MID1: variants seen among roughly 807,000 people sequenced by gnomAD.
MID1 encodes the protein midline 1.
Under a neutral mutation model 40.4 loss-of-function variants are expected in MID1, and 7 were observed. That is an observed-to-expected ratio of 0.17 (90% CI 0.10 to 0.33). The LOEUF is 0.33. MID1 is among the 10% of genes least tolerant of loss of function. The probability of loss-of-function intolerance (pLI) is 1.00; values close to 1 mark genes in which losing one functional copy is unlikely to be tolerated. For missense variants in MID1, 367 were observed against 558.5 expected (o/e 0.66, Z 3.46); for synonymous variants, 229 against 221.2 (o/e 1.04, Z -0.31).
At chrX:10,752,072 G>A (rs1198622511) in intron 1 of MID1, among the ~76,000 whole-genome samples, 2 of 111,461 alleles carry the variant, frequency 1.8e-5, no homozygotes, top group Non-Finnish European at 3.8e-5. Context: ...GGAAGCAGAT[G>A]CTGGCACCAT....
intron 1 of MID1, among the ~76,000 whole-genome samples, chrX:10,679,577 T>C (rs758721380): frequency 1.2e-4 from 14 of 112,255 alleles, no homozygotes; most frequent in African/African-American, 4.5e-4. Flanking sequence ...ACAATGGCAC[T>C]GTTGAGTAGT....
chrX:10,672,057 T>C (rs914928205), intron 1 of MID1, among the ~76,000 whole-genome samples: 1 of 110,923 alleles, frequency 9.0e-6, no homozygotes, highest in Non-Finnish European at 1.9e-5. Context: ...AAACCCCATG[T>C]CTGCAAAAAA....
intron 9 of MID1, among the ~76,000 whole-genome samples, chrX:10,450,940 T>G (rs983117983): frequency 7.1e-5 from 8 of 112,088 alleles, no homozygotes; most frequent in African/African-American, 2.6e-4. Flanking sequence ...TAATTGGATA[T>G]TAACATATGG....
chrX:10,662,836 G>A (rs1253329616), intron 1 of MID1, among the ~76,000 whole-genome samples: 4 of 110,520 alleles, frequency 3.6e-5, no homozygotes, highest in Non-Finnish European at 1.9e-5. Flanking sequence ...AGTCTTACAC[G>A]GCATGTGAAT....
At chrX:10,780,958 G>A (rs1323436240) in intron 1 of MID1, among the ~76,000 whole-genome samples, 3 of 111,768 alleles carry the variant, frequency 2.7e-5, no homozygotes, top group African/African-American at 9.8e-5. Flanking sequence ...CAGGAGGCAG[G>A]GCTCAGGCGG....
At chrX:10,509,397 A>G (rs1293825603) in intron 3 of MID1, among the ~76,000 whole-genome samples, 2 of 111,904 alleles carry the variant, frequency 1.8e-5, no homozygotes, top group Non-Finnish European at 3.8e-5. Context: ...CAAAGTGACT[A>G]TCTAACTATT....
chrX:10,613,732 T>TATATATATATATATAGAGAG (rs1482081086), intron 1 of MID1, among the ~76,000 whole-genome samples: 2 of 17,476 alleles, frequency 1.1e-4, no homozygotes, highest in African/African-American at 1.8e-4. Context: ...TATATATATA[T>TATATATATATATATAGAGAG]AGAGAGAGAG....
At chrX:10,465,528 T>C (rs1929341472) in intron 7 of MID1, among the ~76,000 whole-genome samples, 1 of 110,930 alleles carries the variant, frequency 9.0e-6, no homozygotes, top group Non-Finnish European at 1.9e-5. Context: ...TTTACAGATA[T>C]AATTAAGGTC....
intron 1 of MID1, among the ~76,000 whole-genome samples, chrX:10,771,004 G>A (rs958785605): frequency 1.8e-5 from 2 of 109,213 alleles, no homozygotes; most frequent in African/African-American, 3.3e-5. Flanking sequence ...TACTCGGGAG[G>A]CTGAGGCAGG....
chrX:10,482,830 A>G (rs992597459), intron 4 of MID1, among the ~76,000 whole-genome samples: 3 of 112,484 alleles, frequency 2.7e-5, no homozygotes, highest in Non-Finnish European at 5.6e-5. Context: ...AAGCATTGCT[A>G]ATTCGTTTTA....
At chrX:10,545,607 A>G (rs749816074) in intron 2 of MID1, among the ~76,000 whole-genome samples, 1 of 112,037 alleles carries the variant, frequency 8.9e-6, no homozygotes, top group South Asian at 3.7e-4. Context: ...CTTTGCCTGC[A>G]AAAAGGATGA....
At chrX:10,545,880 C>G (rs1199535516) in intron 2 of MID1, among the ~76,000 whole-genome samples, 3 of 111,703 alleles carry the variant, frequency 2.7e-5, no homozygotes, top group Non-Finnish European at 5.7e-5. Flanking sequence ...CTTATTTTAT[C>G]TTCGTTTTTT....
At chrX:10,546,263 A>C (rs181436400) in intron 2 of MID1, among the ~76,000 whole-genome samples, 153 of 112,527 alleles carry the variant, frequency 1.4e-3, no homozygotes, top group African/African-American at 4.8e-3. Flanking sequence ...CAACAGCAAA[A>C]ACACACACAA....
intron 1 of MID1, among the ~76,000 whole-genome samples, chrX:10,648,197 G>A (rs1299887294): frequency 8.9e-6 from 1 of 112,067 alleles, no homozygotes; most frequent in African/African-American, 3.2e-5. Context: ...CCCAGTGACT[G>A]TGAACTTGGA....
At chrX:10,495,518 TG>T (rs1403677352) in intron 4 of MID1, 65 bp downstream of exon 4, 3 of 825,574 alleles carry the variant, frequency 3.6e-6, no homozygotes, top group Non-Finnish European at 5.5e-6. Context: ...CCAAAGTCCC[TG>T]GAGTGTATTA....
chrX:10,476,449 C>G (rs949416454), intron 5 of MID1, among the ~76,000 whole-genome samples: 1 of 110,732 alleles, frequency 9.0e-6, no homozygotes, highest in African/African-American at 3.3e-5. Context: ...GCTGGGATTA[C>G]AGGTATGAGC....
chrX:10,780,529 T>C (rs768418102), intron 1 of MID1, among the ~76,000 whole-genome samples: 3 of 112,003 alleles, frequency 2.7e-5, no homozygotes, highest in Non-Finnish European at 5.6e-5. Flanking sequence ...TAGTCCTAAA[T>C]AGAGAGATAA....
intron 3 of MID1, among the ~76,000 whole-genome samples, chrX:10,514,805 G>C (rs1299317951): frequency 9.0e-6 from 1 of 111,394 alleles, no homozygotes; most frequent in Non-Finnish European, 1.9e-5. Flanking sequence ...CACCATATTT[G>C]CACTATCACA....
At chrX:10,534,415 C>G (rs1415137820) in intron 2 of MID1, among the ~76,000 whole-genome samples, 1 of 112,187 alleles carries the variant, frequency 8.9e-6, no homozygotes, top group Non-Finnish European at 1.9e-5. Context: ...CAGCACCACG[C>G]ATCCTGCAGG....
Sources: gnomAD v4.1 joint callset for allele counts (sites outside exome capture counted in the v4.1 genomes callset) on GRCh38, gnomAD v4.1.1 for gene constraint, MANE v1.5 for transcripts, NCBI Gene and HGNC (gene_info 2026-07-23, HGNC 2026-07-21) for gene names.